ERG: variants seen among roughly 807,000 people sequenced by gnomAD.
ERG encodes the protein ETS transcription factor ERG.
ERG carries 9 observed loss-of-function variants against 55.3 expected under a neutral mutation model. The ratio of observed to expected loss-of-function variants is 0.16; its 90% CI spans 0.10 to 0.28. The LOEUF is 0.28. ERG is among the 10% of genes least tolerant of loss of function. The pLI is 1.00. For synonymous variants in ERG, 223 were observed against 237.3 expected, an observed-to-expected ratio of 0.94 and a Z score of 0.55; for missense variants, 434 against 631.6, an observed-to-expected ratio of 0.69 and a Z score of 3.35.
chr21:38,379,913 G>A (rs953431285), downstream of ERG: 3 of 540,544 alleles, frequency 5.5e-6, no homozygotes, highest in Non-Finnish European at 7.1e-6. Context: ...TGCCCAGGCT[G>A]GTCCCGGGCT....
At chr21:38,529,804 A>G (rs2146768779) in intron 2 of ERG, among the ~76,000 whole-genome samples, 1 of 152,062 alleles carries the variant, frequency 6.6e-6, no homozygotes, top group South Asian at 2.1e-4. Flanking sequence ...GTCTGTATTA[A>G]AAATACAAAA....
intron 3 of ERG, among the ~76,000 whole-genome samples, chr21:38,414,011 G>A (rs1166803295): frequency 6.6e-6 from 1 of 152,176 alleles, no homozygotes; most frequent in Non-Finnish European, 1.5e-5. Flanking sequence ...GTGTGGCTTA[G>A]AAACAACAGA....
chr21:38,422,028 C>G (rs1555896422), intron 3 of ERG, among the ~76,000 whole-genome samples: 1 of 152,020 alleles, frequency 6.6e-6, no homozygotes, highest in Non-Finnish European at 1.5e-5. Flanking sequence ...AGTAAGAAAA[C>G]TTTTACATAA....
At chr21:38,645,483 G>A (rs997087594) in intron 1 of ERG, among the ~76,000 whole-genome samples, 1 of 152,196 alleles carries the variant, frequency 6.6e-6, no homozygotes, top group Non-Finnish European at 1.5e-5. Flanking sequence ...GGTATTTTTA[G>A]TGATTTTTAA....
At chr21:38,603,335 T>C (rs756564962) in intron 1 of ERG, among the ~76,000 whole-genome samples, 18 of 151,972 alleles carry the variant, frequency 1.2e-4, no homozygotes, top group Non-Finnish European at 2.5e-4. Flanking sequence ...AACAAACAGA[T>C]TGGGGCCAGG....
chr21:38,488,627 A>G (rs939587776), intron 1 of ERG, among the ~76,000 whole-genome samples: 1 of 152,318 alleles, frequency 6.6e-6, no homozygotes, highest in Middle Eastern at 3.4e-3. Flanking sequence ...CTGTGAGCTG[A>G]TATTTTTTGT....
rs140953623 is a variant in ERG at position 38,446,550 on chromosome 21, A to G, written c.19-929T>C. Among the ~76,000 whole-genome samples the G allele has an allele frequency of 4.1e-4, 63 of 152,322 alleles. 1 individual carries two copies. The East Asian group carries it at 0.011, about 27-fold the overall frequency. ...AATGACACAGAGCTGTTGTGATACA[A>G]TCCAATTTTGGTTCTTATAACAGAC... On this transcript the variant is annotated intron_variant, in intron 1 of 9. Coordinates refer to ENST00000288319, the MANE Select transcript of ERG (RefSeq NM_182918.4).
Position 38,574,259 on chromosome 21 carries a change from G to C in ERG, c.-41+1403C>G, listed in dbSNP as rs2059981080. Among the ~76,000 whole-genome samples, 3 of 152,210 alleles carry C rather than the reference G, an allele frequency of 2.0e-5. No individual in the cohort carries two copies. In the South Asian group the frequency reaches 6.2e-4, roughly 32 times the overall value. On this transcript the variant is annotated intron_variant, in intron 2 of 8. Coordinates refer to the ERG transcript ENST00000398897. ...TTTACTTGTGTAGCACAGACACACT[G>C]ATCAAATATGTTCCCAGCACTTCCG...
intron 1 of ERG, among the ~76,000 whole-genome samples, chr21:38,630,093 G>T (rs930792879): frequency 6.6e-6 from 1 of 152,090 alleles, no homozygotes; most frequent in Non-Finnish European, 1.5e-5. Context: ...AGGTTACCAG[G>T]GGCTATGGAA....
intron 1 of ERG, among the ~76,000 whole-genome samples, chr21:38,625,446 C>A (rs1254672063): frequency 6.6e-6 from 1 of 152,084 alleles, no homozygotes; most frequent in East Asian, 1.9e-4. Context: ...TTTTAAGAAT[C>A]CTTGATCTTT....
At chr21:38,575,573 C>T in intron 2 of ERG, 2 of 922,460 alleles carry the variant, frequency 2.2e-6, no homozygotes, top group South Asian at 2.7e-5. Flanking sequence ...GTTGACTGAC[C>T]CCTAATTAAC....
chr21:38,561,023 G>A (rs185232447), intron 2 of ERG, among the ~76,000 whole-genome samples: 1 of 151,568 alleles, frequency 6.6e-6, no homozygotes, highest in African/African-American at 2.4e-5. Flanking sequence ...AAAATGTGGG[G>A]TTTTTTTTAA....
chr21:38,475,836 C>T (rs531142089), intron 1 of ERG, among the ~76,000 whole-genome samples: 2 of 152,258 alleles, frequency 1.3e-5, no homozygotes, highest in South Asian at 4.1e-4. Context: ...GCTCATGCCC[C>T]TCAGCACCCA....
At chr21:38,563,531 T>C (rs566362682) in intron 2 of ERG, among the ~76,000 whole-genome samples, 2 of 152,346 alleles carry the variant, frequency 1.3e-5, no homozygotes, top group African/African-American at 2.4e-5. Flanking sequence ...CTCTCTGCTA[T>C]AAATTGGTTG....
chr21:38,633,466 G>A (rs1211879226), intron 1 of ERG, among the ~76,000 whole-genome samples: 1 of 152,194 alleles, frequency 6.6e-6, no homozygotes, highest in Non-Finnish European at 1.5e-5. Context: ...GTTCATGTGT[G>A]TAAAGCATAC....
At chr21:38,413,539 C>T (rs1989151912) in intron 3 of ERG, among the ~76,000 whole-genome samples, 1 of 151,956 alleles carries the variant, frequency 6.6e-6, no homozygotes, top group Non-Finnish European at 1.5e-5. Context: ...GAGTGCCTGT[C>T]CTCTACTTGT....
In ERG at chr21:38,383,624, A is replaced by G. The variant is rs371726277; in HGVS notation, c.1219T>C (p.Ser407Pro). 1.9e-6 allele frequency: 3 copies of G among 1,613,616 alleles called. No homozygotes were observed. Among genetic ancestry groups the G allele is most frequent in the Non-Finnish European group, 2.5e-6 (3 of 1,179,926 alleles). The part of the protein sequence containing the change: ...QALQPHPPES[S>P]LYKYPSDLPY... ...AGGTCTGAGGGGTACTTGTACAGAG[A>G]TGACTCCGGGGGGTGGGGCTGGAGG... The change falls in exon 10 of 10, where the codon TCT becomes CCT. Residue 407 changes from serine to proline, a missense_variant. Coordinates refer to ENST00000288319, the MANE Select transcript of ERG (RefSeq NM_182918.4). The surrounding 1 kb of genome is among the most constrained non-coding windows in gnomAD (Gnocchi z 5.7).
At chr21:38,444,535 G>A (rs2058871198) in intron 2 of ERG, among the ~76,000 whole-genome samples, 1 of 152,062 alleles carries the variant, frequency 6.6e-6, no homozygotes, top group Non-Finnish European at 1.5e-5. Flanking sequence ...AATATATATG[G>A]GGTATTAGAT....
At chr21:38,455,996 T>A (rs2146582950) in intron 1 of ERG, among the ~76,000 whole-genome samples, 1 of 152,196 alleles carries the variant, frequency 6.6e-6, no homozygotes, top group East Asian at 1.9e-4. Context: ...CACCACTCCG[T>A]GCCCCTCATG....
Sources: gnomAD v4.1 joint callset for allele counts (sites outside exome capture counted in the v4.1 genomes callset) on GRCh38, gnomAD v4.1.1 for gene constraint, Gnocchi (gnomAD v3.1) non-coding constraint, MANE v1.5 for transcripts, NCBI Gene and HGNC (gene_info 2026-07-23, HGNC 2026-07-21) for gene names.